EYS: variants seen among roughly 807,000 people sequenced by gnomAD.
EYS encodes the protein EGF-like photoreceptor maintenance factor, also known as protein eyes shut homolog.
A neutral mutation model predicts 282.1 loss-of-function variants in EYS; 250 were observed. The ratio of observed to expected loss-of-function variants is 0.89; its 90% CI spans 0.80 to 0.98. EYS has a LOEUF of 0.98. EYS is among the 50% of genes least tolerant of loss of function. The pLI is 0.00. For missense variants in EYS, 4,016 were observed against 3,709.0 expected, an observed-to-expected ratio of 1.08 and a Z score of -2.15; for synonymous variants, 1,355 against 1,282.9, an observed-to-expected ratio of 1.06 and a Z score of -1.20.
chr6:65,364,236 A>C lies in EYS; in HGVS notation c.1300-10619T>G, dbSNP rs546626585. On this transcript the variant is annotated intron_variant, in intron 8 of 42. Coordinates refer to ENST00000503581, the MANE Select transcript of EYS (RefSeq NM_001142800.2). ...TCTCAGGCTTTGACTAAAAAATAAA[A>C]TCAACTAAATGTTTTTTTTTTCAAT... 4.4e-5 allele frequency among the ~76,000 whole-genome samples: 6 copies of C among 135,610 alleles called. No homozygotes were observed. The South Asian group carries it at 1.5e-3, about 34-fold the overall frequency. 89.0% of individuals were successfully genotyped at this position (135,610 alleles called of 152,430 possible). A position where few individuals can be genotyped will look rare whatever the true frequency, so the allele number is the denominator to read the frequency against.
chr6:65,480,717 T>C (rs1375942535), intron 5 of EYS, among the ~76,000 whole-genome samples: 1 of 152,138 alleles, frequency 6.6e-6, no homozygotes, highest in Non-Finnish European at 1.5e-5. Context: ...TAGATGTCCA[T>C]CAAGAGATGC....
intron 31 of EYS, among the ~76,000 whole-genome samples, chr6:64,124,429 C>T (rs911244341): frequency 6.6e-6 from 1 of 152,132 alleles, no homozygotes; most frequent in Non-Finnish European, 1.5e-5. Flanking sequence ...ATATATTGCT[C>T]TAAGCATCCA....
chr6:63,918,154 C>G (rs1466455925), intron 35 of EYS, among the ~76,000 whole-genome samples: 1 of 152,114 alleles, frequency 6.6e-6, no homozygotes, highest in Non-Finnish European at 1.5e-5. Flanking sequence ...AAATAATACT[C>G]CTGATGGGAA....
At chr6:63,961,992 A>G (rs1044443645) in intron 35 of EYS, among the ~76,000 whole-genome samples, 4 of 152,330 alleles carry the variant, frequency 2.6e-5, no homozygotes, top group African/African-American at 9.6e-5. Flanking sequence ...AAACCTGACA[A>G]AAACAAGAAA....
At chr6:65,678,958 CAG>C (rs1491015155) in intron 1 of EYS, among the ~76,000 whole-genome samples, 1 of 151,680 alleles carries the variant, frequency 6.6e-6, no homozygotes, top group East Asian at 1.9e-4. Context: ...CAAAACAAAA[CAG>C]AAAATAATCA....
At chr6:65,051,933 A>G (rs1561941421) in intron 13 of EYS, among the ~76,000 whole-genome samples, 1 of 151,578 alleles carries the variant, frequency 6.6e-6, no homozygotes, top group Non-Finnish European at 1.5e-5. Flanking sequence ...CCACTAAGAA[A>G]GCAGCCCTAT....
chr6:64,363,789 AC>A (rs1772102064), intron 29 of EYS, among the ~76,000 whole-genome samples: 1 of 151,900 alleles, frequency 6.6e-6, no homozygotes, highest in Non-Finnish European at 1.5e-5. Flanking sequence ...CTTACATTTA[AC>A]TTTATCACAG....
chr6:65,399,453 G>A (rs1766410847), intron 7 of EYS, among the ~76,000 whole-genome samples: 1 of 151,816 alleles, frequency 6.6e-6, no homozygotes, highest in Admixed American at 6.6e-5. Context: ...ACATAGCATA[G>A]TAAAATAATT....
chr6:63,924,896 T>A (rs1437185090), intron 35 of EYS, among the ~76,000 whole-genome samples: 5 of 152,176 alleles, frequency 3.3e-5, no homozygotes, highest in Admixed American at 1.3e-4. Context: ...CATCACTATG[T>A]TTGTTGGTGA....
At chr6:65,080,669 A>G (rs1774207803) in intron 12 of EYS, among the ~76,000 whole-genome samples, 1 of 152,070 alleles carries the variant, frequency 6.6e-6, no homozygotes, top group Non-Finnish European at 1.5e-5. Context: ...GAATCTCAAG[A>G]TATGATTTTT....
chr6:65,418,558 C>CATGTCCT (rs1177249464), intron 5 of EYS, among the ~76,000 whole-genome samples: 14 of 152,014 alleles, frequency 9.2e-5, no homozygotes, highest in African/African-American at 3.1e-4. Flanking sequence ...GGAATGAGAT[C>CATGTCCT]ATGTCCTTTG....
intron 14 of EYS, 78 bp from the exon 15 acceptor site, chr6:64,945,992 T>C: frequency 9.5e-7 from 1 of 1,057,120 alleles, no homozygotes; most frequent in Non-Finnish European, 1.3e-6. Context: ...CTCCTGGCCA[T>C]TTTGATATCT....
At chr6:64,903,058 A>T (rs1240199914) in intron 16 of EYS, among the ~76,000 whole-genome samples, 6 of 152,116 alleles carry the variant, frequency 3.9e-5, no homozygotes, top group Non-Finnish European at 5.9e-5. Flanking sequence ...CTGATAAACA[A>T]GACAGTTGCA....
Position 64,306,955 on chromosome 6 carries a change from C to G in EYS, c.6191+15G>C, listed in dbSNP as rs1165735216. ...TTTGAACAAGTTATTAGAAAAATCA[C>G]TACTGCTATTTTACCTGCAATTGTT... On this transcript the variant is annotated intron_variant, in intron 30 of 42. Coordinates refer to ENST00000503581, the MANE Select transcript of EYS (RefSeq NM_001142800.2). 1.7e-6 allele frequency: 2 copies of G among 1,196,776 alleles called. No individual in the cohort carries two copies. Among genetic ancestry groups the G allele is most frequent in the African/African-American group, 3.0e-5 (2 of 65,962 alleles). 74.1% of individuals were successfully genotyped at this position (1,196,776 alleles called of 1,614,324 possible). A position where few individuals can be genotyped will look rare whatever the true frequency, so the allele number is the denominator to read the frequency against.
intron 41 of EYS, among the ~76,000 whole-genome samples, chr6:63,734,905 G>T (rs991966403): frequency 1.3e-5 from 2 of 152,066 alleles, no homozygotes; most frequent in Non-Finnish European, 2.9e-5. Flanking sequence ...CAATCAACAT[G>T]TTTGATATCA....
At chr6:64,208,984 AT>A (rs996896738) in intron 31 of EYS, among the ~76,000 whole-genome samples, 6 of 151,964 alleles carry the variant, frequency 3.9e-5, no homozygotes, top group African/African-American at 1.4e-4. Flanking sequence ...TCAGAGTTTA[AT>A]TTTTTTCTAC....
intron 12 of EYS, among the ~76,000 whole-genome samples, chr6:65,209,546 T>G (rs1048522199): frequency 3.9e-5 from 6 of 151,940 alleles, no homozygotes; most frequent in Non-Finnish European, 7.4e-5. Flanking sequence ...TTTATGCATT[T>G]GTTAATCTGA....
At chr6:64,282,079 AC>A (rs1768327929) in intron 30 of EYS, among the ~76,000 whole-genome samples, 1 of 152,160 alleles carries the variant, frequency 6.6e-6, no homozygotes, top group Non-Finnish European at 1.5e-5. Flanking sequence ...GGGCAGACAC[AC>A]AAACAAGCAC....
chr6:64,293,388 G>T (rs1162735569), intron 30 of EYS, among the ~76,000 whole-genome samples: 1 of 152,080 alleles, frequency 6.6e-6, no homozygotes, highest in Admixed American at 6.5e-5. Flanking sequence ...GAGATGATAT[G>T]TGGGGGTGGA....
Sources: gnomAD v4.1 joint callset for allele counts (sites outside exome capture counted in the v4.1 genomes callset) on GRCh38, gnomAD v4.1.1 for gene constraint, MANE v1.5 for transcripts, NCBI Gene and HGNC (gene_info 2026-07-23, HGNC 2026-07-21) for gene names.